The following PATJ variants were observed in gnomAD, a reference collection of about 807,000 sequenced individuals.
PATJ encodes the protein inaD-like protein.
A neutral mutation model predicts 224.9 loss-of-function variants in PATJ; 190 were observed. That is an observed-to-expected ratio of 0.84 (90% CI 0.75 to 0.95). The LOEUF (loss-of-function observed/expected upper bound fraction) is 0.95. Among genes scored for constraint, PATJ ranks in the 40% least tolerant of loss-of-function variants. The pLI is 0.00. For synonymous variants in PATJ, 769 were observed against 820.3 expected (o/e 0.94, Z 1.07); for missense variants, 2,121 against 2,270.3 (o/e 0.93, Z 1.34).
intron 1 of PATJ, among the ~76,000 whole-genome samples, chr1:61,755,386 T>G (rs973276758): frequency 5.3e-5 from 8 of 152,116 alleles, no homozygotes; most frequent in Admixed American, 4.6e-4. Flanking sequence ...AGTTTCTATT[T>G]TATGTATGTT....
chr1:61,913,068 G>A (rs941392803), intron 25 of PATJ, among the ~76,000 whole-genome samples: 4 of 152,090 alleles, frequency 2.6e-5, no homozygotes, highest in Admixed American at 2.0e-4. Flanking sequence ...ACGTTTCTGA[G>A]ACTTTCTCAT....
At chr1:61,764,155 G>GC (rs1453433443) in intron 3 of PATJ, among the ~76,000 whole-genome samples, 6 of 152,110 alleles carry the variant, frequency 3.9e-5, no homozygotes, top group Admixed American at 3.9e-4. Context: ...ACCTCGCCCG[G>GC]CCGAAGTCTT....
At chr1:62,003,720 G>A (rs1645927324) in intron 28 of PATJ, among the ~76,000 whole-genome samples, 1 of 152,116 alleles carries the variant, frequency 6.6e-6, no homozygotes, top group African/African-American at 2.4e-5. Flanking sequence ...TTTCACCTGA[G>A]TTTCAGGCAT....
At chr1:61,906,461 G>A (rs1260834312) in intron 24 of PATJ, among the ~76,000 whole-genome samples, 2 of 152,160 alleles carry the variant, frequency 1.3e-5, no homozygotes, top group African/African-American at 4.8e-5. Context: ...ACTCAGATGT[G>A]AAAGGGGCTA....
chr1:61,742,907 C>T (rs1023297495), intron 1 of PATJ, among the ~76,000 whole-genome samples: 3 of 152,036 alleles, frequency 2.0e-5, no homozygotes, highest in Non-Finnish European at 4.4e-5. Flanking sequence ...CGCCCCGCCT[C>T]CCCAGGCCTT....
chr1:62,088,175 G>A (rs1292064243), intron 33 of PATJ, among the ~76,000 whole-genome samples: 4 of 152,162 alleles, frequency 2.6e-5, no homozygotes, highest in South Asian at 2.1e-4. Context: ...ACAGGCATAA[G>A]CCACCACGCC....
intron 34 of PATJ, among the ~76,000 whole-genome samples, chr1:62,113,315 T>C (rs1015506428): frequency 6.6e-6 from 1 of 152,126 alleles, no homozygotes; most frequent in East Asian, 1.9e-4. Flanking sequence ...GGGCCTGTTA[T>C]GAAGTCGTTG....
At chr1:61,914,730 C>T in intron 26 of PATJ, 66 bp downstream of exon 26, 2 of 1,000,424 alleles carry the variant, frequency 2.0e-6, no homozygotes. Context: ...TTTTCCATAT[C>T]TGGGCTATAA....
intron 42 of PATJ, 77 bp from the exon 43 acceptor site, chr1:62,153,281 A>G (rs1169223633): frequency 9.0e-7 from 1 of 1,106,346 alleles, no homozygotes; most frequent in East Asian, 3.2e-5. Flanking sequence ...TCTCTCTCAA[A>G]TCTGTATTCT....
Position 61,808,480 on chromosome 1 carries a change from A to G in PATJ, c.1633A>G (p.Thr545Ala). 1 of 1,603,482 alleles carries G rather than the reference A, an allele frequency of 6.2e-7. No homozygotes were observed. Among genetic ancestry groups the G allele is most frequent in the Non-Finnish European group, 8.5e-7 (1 of 1,171,150 alleles). The change falls in exon 14 of 44, where the codon ACT becomes GCT. Residue 545 changes from threonine (T) to alanine (A), a missense_variant. By Grantham distance (58) the Thr-to-Ala change is moderately conservative. Coordinates refer to ENST00000642238, the MANE Select transcript of PATJ (RefSeq NM_001350145.3). Reference sequence around the variant, plus strand: ...ATTTTTTTTGTAAATTTAGGTTGCTACTTTGGACACACAGATTGCAGATGA... The same window carrying G: ...ATTTTTTTTGTAAATTTAGGTTGCTGCTTTGGACACACAGATTGCAGATGA... ...LGPDYEVMVA[T>A]LDTQIADDAE... is the part of the protein sequence containing the mutation.
chr1:62,023,241 G>C (rs1474689465), intron 29 of PATJ, among the ~76,000 whole-genome samples: 10 of 149,940 alleles, frequency 6.7e-5, no homozygotes, highest in Non-Finnish European at 1.3e-4. Flanking sequence ...AGTGAGCCGA[G>C]ATCGCGCCAT....
At chr1:61,882,023 A>G (rs1259326319) in intron 21 of PATJ, among the ~76,000 whole-genome samples, 4 of 152,210 alleles carry the variant, frequency 2.6e-5, no homozygotes, top group Non-Finnish European at 2.9e-5. Context: ...AGCAAGTACC[A>G]TATTTACTTG....
At chr1:61,913,349 C>T (rs753225115) in intron 25 of PATJ, among the ~76,000 whole-genome samples, 4 of 152,182 alleles carry the variant, frequency 2.6e-5, no homozygotes, top group African/African-American at 4.8e-5. Flanking sequence ...TCTGGGATTA[C>T]AGGCGCACGC....
intron 11 of PATJ, among the ~76,000 whole-genome samples, chr1:61,801,221 C>T (rs996253075): frequency 7.2e-5 from 11 of 152,160 alleles, no homozygotes; most frequent in Admixed American, 6.5e-5. Flanking sequence ...TCCTATTTCT[C>T]TACATCCTCT....
intron 41 of PATJ, among the ~76,000 whole-genome samples, chr1:62,143,398 A>C (rs1371105816): frequency 6.7e-6 from 1 of 148,894 alleles, no homozygotes; most frequent in Non-Finnish European, 1.5e-5. Flanking sequence ...TAAAATGCAG[A>C]TGTCAAGTTG....
At chr1:61,801,883 T>G (rs1466789923) in intron 12 of PATJ, 114 bp downstream of exon 12, 4 of 698,590 alleles carry the variant, frequency 5.7e-6, no homozygotes, top group Non-Finnish European at 8.6e-6. Flanking sequence ...AGACATAAAA[T>G]AGGATATTCT....
intron 42 of PATJ, 45 bp from the exon 43 acceptor site, chr1:62,153,313 C>G (rs1193293897): frequency 3.3e-6 from 4 of 1,212,052 alleles, no homozygotes; most frequent in Non-Finnish European, 4.1e-6. Flanking sequence ...GAAATTCCCT[C>G]TCAATATCTA....
chr1:61,774,801 C>A (rs368634204), intron 6 of PATJ, among the ~76,000 whole-genome samples: 10 of 152,050 alleles, frequency 6.6e-5, no homozygotes, highest in African/African-American at 2.4e-4. Context: ...CATGTGCTCC[C>A]CTCCCTGTAA....
At chr1:61,901,569 T>C (rs1671157155) in intron 24 of PATJ, 110 bp downstream of exon 24, 2 of 710,756 alleles carry the variant, frequency 2.8e-6, no homozygotes, top group Non-Finnish European at 4.6e-6. Context: ...TGTGTACAGT[T>C]GGTGTGCTCT....
Sources: gnomAD v4.1 joint callset for allele counts (sites outside exome capture counted in the v4.1 genomes callset) on GRCh38, gnomAD v4.1.1 for gene constraint, MANE v1.5 for transcripts, NCBI Gene and HGNC (gene_info 2026-07-23, HGNC 2026-07-21) for gene names.